The following TUFT1 variants were observed in gnomAD, a reference collection of about 807,000 sequenced individuals.
TUFT1 encodes the protein tuftelin 1, also known as tuftelin.
Under a neutral mutation model 57.8 loss-of-function variants are expected in TUFT1, and 43 were observed. The ratio of observed to expected loss-of-function variants is 0.74; its 90% CI spans 0.58 to 0.96. The LOEUF (loss-of-function observed/expected upper bound fraction) is 0.96, where lower values mean the gene tolerates loss of function less well. Ranked by LOEUF, TUFT1 falls within the 40% of genes least tolerant of loss-of-function variation. The pLI is 0.00. For missense variants in TUFT1, 459 were observed against 489.0 expected (o/e 0.94, Z 0.58); for synonymous variants, 166 against 176.7 (o/e 0.94, Z 0.48).
rs373535548 is a variant in TUFT1 at position 151,574,969 on chromosome 1, G to A, written c.782G>A (p.Arg261Gln). The change falls in exon 9 of 13, where the codon CGG becomes CAG. Residue 261 changes from arginine to glutamine, a missense_variant. Coordinates refer to ENST00000368849, the MANE Select transcript of TUFT1 (RefSeq NM_020127.3). ...GGGGAGGTGGCCCTAGAGGAACTTC[G>A]GAGCAACAATGCTGACTGCCAAGCA... ...REGEVALEEL[R>Q]SNNADCQAER... The A allele has an allele frequency of 3.2e-6, 5 of 1,574,976 alleles. No homozygotes were observed. The highest frequency in any genetic ancestry group is 3.7e-5 in the Admixed American group (2 of 54,074).
At chr1:151,568,382 GT>G (rs1281776532) in intron 6 of TUFT1, among the ~76,000 whole-genome samples, 1 of 152,102 alleles carries the variant, frequency 6.6e-6, no homozygotes, top group African/African-American at 2.4e-5. Flanking sequence ...CTGGTACCGT[GT>G]TTTTTAGGAT....
At position 151,574,461 on chromosome 1, in the gene TUFT1, A is replaced by G. The variant is rs575749085; in HGVS notation, c.723+63A>G. On this transcript the variant is annotated intron_variant, in intron 8 of 12. Coordinates refer to ENST00000368849, the MANE Select transcript of TUFT1 (RefSeq NM_020127.3). ...TGGGCTGGAAGGGGCCTGCAGGTGG[A>G]TCGAAACGGTTGCCGAGACCCTTCT... The G allele has an allele frequency of 3.8e-6, 6 of 1,592,986 alleles. 1 individual carries two copies. In the South Asian group the frequency reaches 5.6e-5, roughly 15 times the overall value.
chr1:151,547,822 G>A (rs1665388518), intron 1 of TUFT1, among the ~76,000 whole-genome samples: 1 of 152,194 alleles, frequency 6.6e-6, no homozygotes, highest in African/African-American at 2.4e-5. Flanking sequence ...TCCCTCTACA[G>A]ACACACTGTC....
intron 1 of TUFT1, among the ~76,000 whole-genome samples, chr1:151,542,589 A>G (rs1665203769): frequency 6.6e-6 from 1 of 152,148 alleles, no homozygotes; most frequent in African/African-American, 2.4e-5. Context: ...AAAAATTACT[A>G]AGAGAAAATA....
intron 1 of TUFT1, among the ~76,000 whole-genome samples, chr1:151,550,233 A>G (rs1385302628): frequency 1.3e-5 from 2 of 151,754 alleles, no homozygotes; most frequent in Non-Finnish European, 2.9e-5. Flanking sequence ...GGGTTTCACC[A>G]TGTTGGCCAG....
At chr1:151,561,345 A>G (rs1283991706) in intron 1 of TUFT1, among the ~76,000 whole-genome samples, 1 of 151,928 alleles carries the variant, frequency 6.6e-6, no homozygotes, top group Non-Finnish European at 1.5e-5. Context: ...GCAAAACCTC[A>G]TGTCTACAAA....
intron 3 of TUFT1, among the ~76,000 whole-genome samples, chr1:151,563,275 A>G (rs1373465489): frequency 6.6e-6 from 1 of 152,162 alleles, no homozygotes; most frequent in African/African-American, 2.4e-5. Flanking sequence ...TATAAATCCC[A>G]TACCACATGA....
At chr1:151,540,880 T>G (rs964681694) in intron 1 of TUFT1, 6 of 160,816 alleles carry the variant, frequency 3.7e-5, no homozygotes, top group African/African-American at 1.4e-4. Context: ...TTCATCATGG[T>G]GCTTTGGATG....
Position 151,551,174 on chromosome 1 carries a change from C to T in TUFT1, c.60+10748C>T, listed in dbSNP as rs531306957. 1.4e-3 allele frequency among the ~76,000 whole-genome samples: 220 copies of T among 152,218 alleles called. 1 individual carries two copies. The highest frequency in any genetic ancestry group is 2.5e-3 in the Non-Finnish European group (168 of 68,004). On this transcript the variant is annotated intron_variant, in intron 1 of 12. Transcript: ENST00000368849. ...CACTTGTTATTTCTTTTTAGAGTTGCCTTCTTAGTCTTTGCTCAGTTTTTC... is the reference window on the plus strand; with the variant it reads ...CACTTGTTATTTCTTTTTAGAGTTGTCTTCTTAGTCTTTGCTCAGTTTTTC...
intron 1 of TUFT1, among the ~76,000 whole-genome samples, chr1:151,558,251 C>T (rs1405051686): frequency 6.6e-6 from 1 of 151,824 alleles, no homozygotes; most frequent in Non-Finnish European, 1.5e-5. Flanking sequence ...AGGATATTTT[C>T]CTTTGTCAAT....
intron 6 of TUFT1, among the ~76,000 whole-genome samples, chr1:151,566,809 A>G (rs1259202118): frequency 1.3e-5 from 2 of 152,040 alleles, no homozygotes; most frequent in Admixed American, 1.3e-4. Context: ...TTTCTTAACT[A>G]AAGAGTATAT....
At chr1:151,565,574 G>T (rs1425589747) in intron 5 of TUFT1, among the ~76,000 whole-genome samples, 1 of 152,234 alleles carries the variant, frequency 6.6e-6, no homozygotes, top group Non-Finnish European at 1.5e-5. Context: ...ACTTTGTCAG[G>T]TATCAGAAGA....
In TUFT1 at chr1:151,568,068, C is replaced by T. The variant is rs563612216; in HGVS notation, c.481-1589C>T. ...TGTGAATACATTGTACAGTATGTAG[C>T]ATTTCTTTATAATTTTTTTTTTGTT... is the stretch of plus-strand genomic sequence containing the variant. On this transcript the variant is annotated intron_variant, in intron 6 of 12. Coordinates refer to ENST00000368849, the MANE Select transcript of TUFT1 (RefSeq NM_020127.3). Among the ~76,000 whole-genome samples, 12 of 152,210 alleles carry T rather than the reference C, an allele frequency of 7.9e-5. No homozygotes were observed. The South Asian group carries it at 2.5e-3, about 32-fold the overall frequency.
intron 1 of TUFT1, among the ~76,000 whole-genome samples, chr1:151,560,326 G>A (rs1665844217): frequency 6.6e-6 from 1 of 151,978 alleles, no homozygotes; most frequent in African/African-American, 2.4e-5. Flanking sequence ...TGAGGCAGGA[G>A]AATTGCTTGA....
intron 1 of TUFT1, among the ~76,000 whole-genome samples, chr1:151,553,238 C>T (rs1044786907): frequency 2.0e-5 from 3 of 152,080 alleles, no homozygotes; most frequent in Non-Finnish European, 4.4e-5. Context: ...ACTACAGGCA[C>T]CTGACACCAC....
intron 4 of TUFT1, among the ~76,000 whole-genome samples, chr1:151,564,284 G>A (rs1665993632): frequency 6.6e-6 from 1 of 152,026 alleles, no homozygotes; most frequent in Non-Finnish European, 1.5e-5. Context: ...TTTCTCGTTG[G>A]CACTTATGCC....
intron 1 of TUFT1, among the ~76,000 whole-genome samples, chr1:151,556,804 T>C (rs1015855774): frequency 2.6e-5 from 4 of 152,112 alleles, no homozygotes; most frequent in Non-Finnish European, 2.9e-5. Context: ...GCCCCCTCTA[T>C]ATTAACATAT....
At chr1:151,562,258 T>A in intron 2 of TUFT1, 93 bp downstream of exon 2, 1 of 1,151,562 alleles carries the variant, frequency 8.7e-7, no homozygotes, top group African/African-American at 1.5e-5. Flanking sequence ...GAGCCGACTC[T>A]GGTGATGCGA....
At chr1:151,581,542 A>G (rs1214732790) in intron 12 of TUFT1, 102 bp from the exon 13 acceptor site, 1 of 1,153,420 alleles carries the variant, frequency 8.7e-7, no homozygotes, top group East Asian at 2.4e-5. Context: ...ACTGCAGTGT[A>G]AGATTCCAGA....
Sources: gnomAD v4.1 joint callset for allele counts (sites outside exome capture counted in the v4.1 genomes callset) on GRCh38, gnomAD v4.1.1 for gene constraint, MANE v1.5 for transcripts, NCBI Gene and HGNC (gene_info 2026-07-23, HGNC 2026-07-21) for gene names.